Variants in ZFPL1 observed in about 807,000 individuals in gnomAD.
ZFPL1 encodes zinc finger protein like 1.
A neutral mutation model predicts 32.0 loss-of-function variants in ZFPL1; 28 were observed. That is an observed-to-expected ratio of 0.87 (90% CI 0.65 to 1.20). The LOEUF (loss-of-function observed/expected upper bound fraction) is 1.20. ZFPL1 is among the 50% of genes most tolerant of loss of function. ZFPL1 has a pLI of 0.00. For missense variants in ZFPL1, 386 were observed against 424.8 expected (o/e 0.91, Z 0.80); for synonymous variants, 165 against 177.0 (o/e 0.93, Z 0.54).
In ZFPL1 at chr11:65,085,179, G is replaced by T. The variant is rs778353661; in HGVS notation, c.167G>T (p.Cys56Phe). ...DSDYNPNCRLCNIPLASRETT... is the reference protein window; with the variant it reads ...DSDYNPNCRLFNIPLASRETT... The stretch of plus-strand genomic sequence containing the variant: ...GACTACAACCCCAATTGCCGCCTGT[G>T]CAACATACCCCTGGCCAGCCGAGAG... Residue 56 changes from cysteine (C) to phenylalanine (F), a missense_variant, in exon 3 of 8, where the codon TGC becomes TTC. By Grantham distance (205) the Cys-to-Phe change is radical. Transcript: ENST00000294258. The T allele has an allele frequency of 6.2e-7, 1 of 1,614,102 alleles. No individual in the cohort carries two copies.
intron 3 of ZFPL1, chr11:65,085,989 ACTTGTG>A: frequency 6.0e-6 from 1 of 166,802 alleles, no homozygotes; most frequent in Non-Finnish European, 1.3e-5. Context: ...AGGGAATGCC[ACTTGTG>A]TTTGATTATG....
rs1947700571 is a variant in ZFPL1 at position 65,088,360 on chromosome 11, G to A, written c.*246G>A. On this transcript the variant is annotated 3_prime_UTR_variant, in exon 8 of 8. Transcript: ENST00000294258. The stretch of plus-strand genomic sequence containing the variant: ...AGCCTCCGACCCCTCGCCCCATGAA[G>A]GAGCTGGCAGGTGGAAATAAACAAC... 7.5e-7 allele frequency: 1 copy of A among 1,332,502 alleles called. No individual in the cohort carries two copies. The highest frequency in any genetic ancestry group is 2.0e-5 in the Admixed American group (1 of 50,612). The allele number at this position is 1,332,502 out of a possible 1,614,324, so 82.5% of individuals were successfully genotyped here.
At chr11:65,087,676 C>T (rs749782774) in intron 7 of ZFPL1, 9 of 612,266 alleles carry the variant, frequency 1.5e-5, no homozygotes, top group East Asian at 1.1e-4. Context: ...GGCCCCTTCC[C>T]GATCTGACAC....
rs765473939 is a variant in ZFPL1, at chr11:65,087,954, C to G, written c.773C>G (p.Pro258Arg). The change falls in exon 8 of 8, where the codon CCG becomes CGG. Residue 258 changes from proline (P) to arginine (R), a missense_variant. Pro to Arg is a moderately radical substitution (Grantham distance 103, BLOSUM62 -2). Transcript: ENST00000294258. ...AGCCGGGCTGGGTCTCGGAAGCGGC[C>G]GCTGACCCTGCTCCAGCGGGCGGGG... The part of the protein sequence containing the change: ...LRSRAGSRKR[P>R]LTLLQRAGLL... 5.1e-6 allele frequency: 8 copies of G among 1,572,416 alleles called. No individual in the cohort carries two copies. The highest frequency in any genetic ancestry group is 6.8e-6 in the Non-Finnish European group (8 of 1,169,982).
Position 65,087,358 on chromosome 11 carries a change from C to T in ZFPL1, c.671C>T (p.Pro224Leu), listed in dbSNP as rs371703114. The T allele has an allele frequency of 6.2e-7, 1 of 1,614,124 alleles. No homozygotes were observed. The highest frequency in any genetic ancestry group is 8.5e-7 in the Non-Finnish European group (1 of 1,180,004). Residue 224 changes from proline (P) to leucine (L), a missense_variant, in exon 7 of 8, where the codon CCA becomes CTA. Transcript: ENST00000294258. ...GATACGCGGGATGATGACCGGACAC[C>T]AGGCCTCCATGGAGACTGTGACGAT... ...VYDTRDDDRTPGLHGDCDDDK... is the reference protein window; with the variant it reads ...VYDTRDDDRTLGLHGDCDDDK...
chr11:65,084,550 A>C (rs911168132), intron 1 of ZFPL1, 141 bp from the exon 2 acceptor site: 6 of 695,778 alleles, frequency 8.6e-6, no homozygotes, highest in Non-Finnish European at 1.2e-5. Flanking sequence ...TCTCCGCATA[A>C]GGAGGGACAG....
In ZFPL1 at chr11:65,086,499, G is replaced by A. The variant is rs1947680821; in HGVS notation, c.299G>A (p.Cys100Tyr). 1 of 1,613,904 alleles carries A rather than the reference G, an allele frequency of 6.2e-7. No homozygotes were observed. Among genetic ancestry groups the A allele is most frequent in the African/African-American group, 1.3e-5 (1 of 74,930 alleles). ...CCTGCCGGCTATCAGTGCCCCAGCT[G>A]CAATGGCCCCATCTTCCCCCCAACC... ...TAPAGYQCPS[C>Y]NGPIFPPTNL... The change falls in exon 4 of 8, where the codon TGC (cysteine) becomes TAC (tyrosine). Residue 100 changes from cysteine (C) to tyrosine (Y), a missense_variant. Physicochemically the swap from Cys to Tyr is radical, Grantham distance 194 (BLOSUM62 -2). Transcript: ENST00000294258.
chr11:65,087,674 C>T, intron 7 of ZFPL1: 1 of 612,090 alleles, frequency 1.6e-6, no homozygotes, highest in Non-Finnish European at 2.9e-6. Context: ...GAGGCCCCTT[C>T]CCGATCTGAC....
chr11:65,087,514 C>T, intron 7 of ZFPL1, 81 bp downstream of exon 7: 1 of 1,381,098 alleles, frequency 7.2e-7, no homozygotes. Context: ...GGGATGGTTT[C>T]ATGACAAAAG....
Position 65,088,038 on chromosome 11 carries a change from T to C in ZFPL1, c.857T>C (p.Leu286Pro). The C allele has an allele frequency of 6.2e-7, 1 of 1,610,684 alleles. No individual in the cohort carries two copies. Among genetic ancestry groups the C allele is most frequent in the South Asian group, 1.1e-5 (1 of 90,914 alleles). The stretch of plus-strand genomic sequence containing the variant: ...GCCCTCCTTGCCCTCATGTCTCGCC[T>C]AGGCCGGGCCGCAGCTGACAGCGAT... ...FLALLALMSR[L>P]GRAAADSDPN... Residue 286 changes from leucine (L) to proline (P), a missense_variant, in exon 8 of 8, where the codon CTA (leucine) becomes CCA (proline). Transcript: ENST00000294258.
intron 2 of ZFPL1, 64 bp from the exon 3 acceptor site, chr11:65,085,051 C>A (rs764256252): frequency 6.8e-6 from 10 of 1,477,994 alleles, no homozygotes; most frequent in Non-Finnish European, 8.5e-6. Flanking sequence ...AAGAGACAGT[C>A]GGACCTTGGG....
In ZFPL1 at chr11:65,088,179, G is replaced by A; in HGVS notation, c.*65G>A. On this transcript the variant is annotated 3_prime_UTR_variant, in exon 8 of 8. Transcript: ENST00000294258. ...TCTGTGGAGGAGAGGCGGGGTAATG[G>A]GGAGGCTGAGGGCACCTCTTCACTG... 6.5e-7 allele frequency: 1 copy of A among 1,538,080 alleles called. No individual in the cohort carries two copies. Among genetic ancestry groups the A allele is most frequent in the Admixed American group, 2.0e-5 (1 of 50,320 alleles).
At chr11:65,086,860 T>G in intron 5 of ZFPL1, 68 bp downstream of exon 5, 1 of 1,613,508 alleles carries the variant, frequency 6.2e-7, no homozygotes, top group Non-Finnish European at 8.5e-7. Context: ...TCCCTTGGTC[T>G]GCAGTCACAT....
chr11:65,084,764 C>T lies in ZFPL1; in HGVS notation c.66C>T (p.Asn22=), dbSNP rs756762899. The change falls in exon 2 of 8, where the codon AAC becomes AAT. Residue 22 remains asparagine (N), a synonymous_variant. Transcript: ENST00000294258. ...TNLFCFEHRV[N]VCEHCLVANH... ...TGTTCTGCTTCGAACATCGGGTCAACGTCTGCGAGCACTGCCTGGTAGCCA... is the reference window on the plus strand; with the variant it reads ...TGTTCTGCTTCGAACATCGGGTCAATGTCTGCGAGCACTGCCTGGTAGCCA... The T allele has an allele frequency of 1.9e-6, 3 of 1,613,994 alleles. No individual in the cohort carries two copies. Among genetic ancestry groups the T allele is most frequent in the African/African-American group, 1.3e-5 (1 of 74,910 alleles).
chr11:65,087,497 C>T, intron 7 of ZFPL1, 64 bp downstream of exon 7: 1 of 1,482,286 alleles, frequency 6.7e-7, no homozygotes, highest in South Asian at 1.1e-5. Context: ...AGCCAGAGGT[C>T]CTGGAAGGGA....
rs373428975 is a variant in ZFPL1 at position 65,086,364 on chromosome 11, C to G, written c.215-51C>G. Reference sequence around the variant, plus strand: ...GGGGACTATTGCTAGGCTAGGAGCCCTAAGTGTCTTCTTCCTCATGTCTCT... The same window carrying G: ...GGGGACTATTGCTAGGCTAGGAGCCGTAAGTGTCTTCTTCCTCATGTCTCT... On this transcript the variant is annotated intron_variant, in intron 3 of 7. Coordinates refer to ENST00000294258, the MANE Select transcript of ZFPL1 (RefSeq NM_006782.4). 1.2e-4 allele frequency: 195 copies of G among 1,611,058 alleles called. No individual in the cohort carries two copies. The African/African-American group carries it at 2.3e-3, about 19-fold the overall frequency.
intron 1 of ZFPL1, 127 bp downstream of exon 1, chr11:65,084,505 G>A: frequency 1.6e-6 from 1 of 608,574 alleles, no homozygotes; most frequent in Non-Finnish European, 2.9e-6. Flanking sequence ...AAGGATTGAG[G>A]GGTCGCCGGA....
chr11:65,087,621 G>A, intron 7 of ZFPL1, 188 bp downstream of exon 7: 1 of 638,202 alleles, frequency 1.6e-6, no homozygotes, highest in South Asian at 1.9e-5. Flanking sequence ...CTCTGGGACT[G>A]TCTCTATGCC....
intron 2 of ZFPL1, 68 bp downstream of exon 2, chr11:65,084,868 T>C: frequency 3.2e-6 from 5 of 1,568,678 alleles, no homozygotes; most frequent in Non-Finnish European, 3.5e-6. Flanking sequence ...TTCCTCCAAA[T>C]CCATGAGGGG....
Sources: allele counts gnomAD v4.1 joint callset, GRCh38; gene constraint gnomAD v4.1.1; transcripts MANE v1.5; gene names NCBI Gene and HGNC (gene_info 2026-07-23, HGNC 2026-07-21).